Variants in MAMLD1 observed in about 807,000 individuals in gnomAD.
MAMLD1 encodes mastermind-like domain-containing protein 1.
In MAMLD1, 14 loss-of-function variants were observed where a neutral mutation model predicts 45.0. The observed-to-expected ratio is 0.31, with a 90% CI of 0.21 to 0.49. The LOEUF is 0.49. MAMLD1 is among the 20% of genes least tolerant of loss of function. The probability of loss-of-function intolerance (pLI) is 0.99; values close to 1 mark genes in which losing one functional copy is unlikely to be tolerated. For synonymous variants in MAMLD1, 254 were observed against 247.8 expected, an observed-to-expected ratio of 1.02 and a Z score of -0.24; for missense variants, 543 against 603.6, an observed-to-expected ratio of 0.90 and a Z score of 1.05.
intron 6 of MAMLD1, chrX:150,504,939 G>A: frequency 1.5e-5 from 11 of 754,065 alleles, no homozygotes; most frequent in Non-Finnish European, 1.6e-5. Flanking sequence ...GGCACCACAG[G>A]GGAAGAAGAA....
rs146150571 is a variant in MAMLD1, at chrX:150,413,134, C to A, written c.-63-32320C>A. ...TGGACATTTTTGGGGTGTTCACTTG[C>A]TGGTATCTGTATTTCTTGTTACTGT... On this transcript the variant is annotated intron_variant, in intron 1 of 7. Coordinates refer to ENST00000370401, the MANE Select transcript of MAMLD1 (RefSeq NM_005491.5). Among the ~76,000 whole-genome samples the A allele has an allele frequency of 3.2e-3, 355 of 111,699 alleles. 1 individual carries two copies. Among genetic ancestry groups the A allele is most frequent in the Non-Finnish European group, 5.7e-3 (305 of 53,135 alleles).
At chrX:150,443,228 CTTT>C (rs56969373) in intron 1 of MAMLD1, among the ~76,000 whole-genome samples, 87 of 83,838 alleles carry the variant, frequency 1.0e-3, no homozygotes, top group African/African-American at 3.6e-3. Context: ...TCTTTGAATA[CTTT>C]TTTTTTTTTT....
intron 5 of MAMLD1, among the ~76,000 whole-genome samples, chrX:150,499,451 A>G (rs781960435): frequency 1.5e-4 from 17 of 112,029 alleles, no homozygotes; most frequent in African/African-American, 5.5e-4. Context: ...AAGCAGCTGA[A>G]TATCTATGGG....
At chrX:150,375,959 T>C (rs1157629058) in intron 1 of MAMLD1, among the ~76,000 whole-genome samples, 1 of 111,829 alleles carries the variant, frequency 8.9e-6, no homozygotes, top group Non-Finnish European at 1.9e-5. Flanking sequence ...GCTTTCTGAG[T>C]CTGGGAGGAG....
In MAMLD1 at chrX:150,471,307, A is replaced by T. The variant is rs1335763738; in HGVS notation, c.1734A>T (p.Pro578=). The change falls in exon 4 of 8, where the codon CCA becomes CCT. Residue 578 remains proline, a synonymous_variant. Coordinates refer to ENST00000370401, the MANE Select transcript of MAMLD1 (RefSeq NM_005491.5). The part of the protein sequence containing the change: ...SLLHYLQQPT[P]TQASSATASS... Reference sequence around the variant, plus strand: ...TCCACTACCTGCAGCAGCCGACACCAACGCAGGCCTCCTCAGCCACTGCCT... The same window carrying T: ...TCCACTACCTGCAGCAGCCGACACCTACGCAGGCCTCCTCAGCCACTGCCT... The T allele has an allele frequency of 8.3e-7, 1 of 1,210,399 alleles. No individual in the cohort carries two copies. Among genetic ancestry groups the T allele is most frequent in the Non-Finnish European group, 1.1e-6 (1 of 895,206 alleles).
At chrX:150,501,436 T>C (rs1230325591) in intron 5 of MAMLD1, among the ~76,000 whole-genome samples, 1 of 112,373 alleles carries the variant, frequency 8.9e-6, no homozygotes, top group Non-Finnish European at 1.9e-5. Flanking sequence ...AAGGACAAAC[T>C]GGAGCTTGAT....
chrX:150,473,461 G>A (rs890500798), intron 4 of MAMLD1, among the ~76,000 whole-genome samples: 2 of 112,363 alleles, frequency 1.8e-5, no homozygotes, highest in African/African-American at 3.2e-5. Context: ...GAGTACAGAG[G>A]TTGTGTCTTT....
At chrX:150,436,640 G>A (rs913884558) in intron 1 of MAMLD1, among the ~76,000 whole-genome samples, 1 of 111,853 alleles carries the variant, frequency 8.9e-6, no homozygotes, top group African/African-American at 3.2e-5. Flanking sequence ...GTATTCCTCA[G>A]AATCCTTGGA....
rs1208662886 is a variant in MAMLD1, at chrX:150,368,610, G to T, written c.-64+5080G>T. ...TTTGGCTTTTGTTGCCATTGCTTTTGGTGTTTTAGACATGAAGTCCTTGCC... is the reference window on the plus strand; with the variant it reads ...TTTGGCTTTTGTTGCCATTGCTTTTTGTGTTTTAGACATGAAGTCCTTGCC... On this transcript the variant is annotated intron_variant, in intron 1 of 7. Transcript: ENST00000370401. 6.3e-5 allele frequency among the ~76,000 whole-genome samples: 7 copies of T among 110,766 alleles called. No homozygotes were observed. In the East Asian group the frequency reaches 1.4e-3, roughly 22 times the overall value.
intron 1 of MAMLD1, among the ~76,000 whole-genome samples, chrX:150,367,098 G>A (rs1394953921): frequency 9.2e-6 from 1 of 108,423 alleles, no homozygotes; most frequent in African/African-American, 3.3e-5. Flanking sequence ...GGCGTTGGAA[G>A]AAGAAAGCCT....
chrX:150,361,581 G>C (rs1156576651), upstream of MAMLD1: 2 of 112,569 alleles, frequency 1.8e-5, no homozygotes, highest in Non-Finnish European at 3.8e-5. Flanking sequence ...CAGATGTGTT[G>C]GTGACAGGTT....
intron 2 of MAMLD1, among the ~76,000 whole-genome samples, chrX:150,458,392 ATTTTAT>A (rs1411012190): frequency 1.8e-5 from 2 of 111,473 alleles, no homozygotes; most frequent in Non-Finnish European, 3.8e-5. Flanking sequence ...GCTTGTTGCC[ATTTTAT>A]TTAGCCTACT....
intron 1 of MAMLD1, chrX:150,420,997 C>T (rs1406296595): frequency 5.2e-5 from 6 of 115,866 alleles, no homozygotes; most frequent in African/African-American, 1.9e-4. Context: ...CTTTGTTTAC[C>T]TAATCAAGCC....
At chrX:150,399,528 C>A (rs1557402362) in intron 1 of MAMLD1, among the ~76,000 whole-genome samples, 1 of 111,572 alleles carries the variant, frequency 9.0e-6, no homozygotes, top group Admixed American at 9.5e-5. Flanking sequence ...TTAGGGTAAA[C>A]CTTAATCCAA....
intron 6 of MAMLD1, chrX:150,504,611 C>G (rs782264516): frequency 1.1e-5 from 6 of 544,215 alleles, no homozygotes; most frequent in Non-Finnish European, 1.1e-5. Flanking sequence ...CGGACGTCGT[C>G]CCCTCAGGAT....
In MAMLD1 at chrX:150,470,393, C is replaced by G; in HGVS notation, c.820C>G (p.Pro274Ala). ...TTCCACCAGTAAGCAGATAGTGTCA[C>G]CGAGTTCTTCAATGGCACAGTCCAA... ...IPSTSKQIVS[P>A]SSSMAQSKSQ... Residue 274 changes from proline to alanine, a missense_variant, in exon 4 of 8, where the codon CCG becomes GCG. Transcript: ENST00000370401. The G allele has an allele frequency of 2.5e-6, 3 of 1,211,606 alleles. No individual in the cohort carries two copies. Among genetic ancestry groups the G allele is most frequent in the Non-Finnish European group, 3.4e-6 (3 of 895,337 alleles).
intron 1 of MAMLD1, among the ~76,000 whole-genome samples, chrX:150,416,689 T>C (rs1557403063): frequency 2.7e-5 from 3 of 112,690 alleles, no homozygotes; most frequent in Non-Finnish European, 5.6e-5. Flanking sequence ...AATAGATACA[T>C]ATCTTGAAAA....
chrX:150,478,215 A>G (rs1200496489), intron 5 of MAMLD1, among the ~76,000 whole-genome samples: 5 of 112,547 alleles, frequency 4.4e-5, no homozygotes, highest in Non-Finnish European at 7.5e-5. Flanking sequence ...TAGTGAGGCC[A>G]AGAGAATTTC....
chrX:150,403,993 AAAGAAGAAAGGAAGG>A (rs1480068109), intron 1 of MAMLD1, among the ~76,000 whole-genome samples: 1 of 94,736 alleles, frequency 1.1e-5, no homozygotes, highest in African/African-American at 4.0e-5. Flanking sequence ...AGAAAGAAAG[AAAGAAGAAAGGAAGG>A]AAGAAAGAAG....
Sources: gnomAD v4.1 joint callset for allele counts (sites outside exome capture counted in the v4.1 genomes callset) on GRCh38, gnomAD v4.1.1 for gene constraint, MANE v1.5 for transcripts, NCBI Gene and HGNC (gene_info 2026-07-23, HGNC 2026-07-21) for gene names.